The following GPHN variants were observed in gnomAD, a reference collection of about 807,000 sequenced individuals.
The protein encoded by GPHN is gephyrin.
In GPHN, 17 loss-of-function variants were observed where a neutral mutation model predicts 95.5. That is an observed-to-expected ratio of 0.18 (90% CI 0.12 to 0.27). GPHN has a LOEUF of 0.27. Among genes scored for constraint, GPHN ranks in the 10% least tolerant of loss-of-function variants. The pLI, the probability that GPHN is intolerant of heterozygous loss-of-function variation, is 1.00. For synonymous variants in GPHN, 320 were observed against 322.5 expected, an observed-to-expected ratio of 0.99 and a Z score of 0.08; for missense variants, 660 against 978.1, an observed-to-expected ratio of 0.67 and a Z score of 4.34.
At chr14:67,281,496 C>T in the GPHN span, among the ~76,000 whole-genome samples, 1 of 151,858 alleles carries the variant, frequency 6.6e-6, no homozygotes, top group Non-Finnish European at 1.5e-5. Context: ...CCTTCATTTC[C>T]CACCACTCTA....
chr14:67,586,084 T>C, the GPHN span: 5 of 1,613,838 alleles, frequency 3.1e-6, no homozygotes, highest in African/African-American at 1.3e-5. Flanking sequence ...ATCTTCCGGA[T>C]GGCTGCTCCC....
At chr14:67,724,087 C>T in the GPHN span, among the ~76,000 whole-genome samples, 5 of 151,754 alleles carry the variant, frequency 3.3e-5, no homozygotes, top group Admixed American at 1.3e-4. Context: ...ATATTGACTC[C>T]GCTAATGTTT....
the GPHN span, among the ~76,000 whole-genome samples, chr14:67,625,242 A>T: frequency 2.6e-5 from 4 of 152,208 alleles, no homozygotes; most frequent in African/African-American, 9.6e-5. Context: ...CTGAAACCAT[A>T]TAACTGTTAG....
chr14:67,685,164 G>C, the GPHN span: 2 of 1,614,166 alleles, frequency 1.2e-6, no homozygotes, highest in South Asian at 1.1e-5. Flanking sequence ...GTTCAGATTG[G>C]ACTGTGCCAG....
At chr14:66,822,032 A>T (rs1596021750) in intron 3 of GPHN, among the ~76,000 whole-genome samples, 1 of 152,196 alleles carries the variant, frequency 6.6e-6, no homozygotes, top group Middle Eastern at 3.4e-3. Context: ...GCTCACTGCA[A>T]CCTCTGCCTC....
the GPHN span, among the ~76,000 whole-genome samples, chr14:67,508,940 G>C: frequency 6.6e-6 from 1 of 151,854 alleles, no homozygotes. Flanking sequence ...GTCATAATCA[G>C]GTCTCCACAG....
At chr14:66,779,362 T>A (rs1283544554) in intron 3 of GPHN, among the ~76,000 whole-genome samples, 1 of 152,218 alleles carries the variant, frequency 6.6e-6, no homozygotes, top group African/African-American at 2.4e-5. Flanking sequence ...AAAAATATCA[T>A]CAAATGTTGT....
At chr14:66,859,635 A>T in intron 4 of GPHN, among the ~76,000 whole-genome samples, 1 of 152,236 alleles carries the variant, frequency 6.6e-6, no homozygotes, top group Non-Finnish European at 1.5e-5. Context: ...TAAATAAGGC[A>T]CTAGGGAATA....
the GPHN span, among the ~76,000 whole-genome samples, chr14:67,717,071 C>T: frequency 2.0e-5 from 3 of 151,506 alleles, no homozygotes; most frequent in South Asian, 6.3e-4. Flanking sequence ...ACATCGGTAC[C>T]CTTCCCCTTT....
chr14:67,576,655 C>G, the GPHN span, among the ~76,000 whole-genome samples: 1 of 152,170 alleles, frequency 6.6e-6, no homozygotes, highest in East Asian at 1.9e-4. The surrounding 1 kb of genome is among the most constrained non-coding windows in gnomAD (Gnocchi z 4.0). Flanking sequence ...CTCCAGGGCC[C>G]CTCTGTCTCC....
At chr14:67,367,418 A>T in the GPHN span, among the ~76,000 whole-genome samples, 1,363 of 152,184 alleles carry the variant, frequency 9.0e-3, 12 homozygotes, top group Non-Finnish European at 0.016. Context: ...TTTGGTAGAG[A>T]CAGGGTTTCA....
the GPHN span, chr14:67,585,770 C>G: frequency 1.0e-6 from 1 of 988,314 alleles, no homozygotes. Context: ...TACCCCCACT[C>G]CTGCCCAAGC....
chr14:67,011,573 CAAAAAAAAAAAA>C (rs201978777), intron 9 of GPHN, among the ~76,000 whole-genome samples: 1 of 63,192 alleles, frequency 1.6e-5, no homozygotes, highest in Non-Finnish European at 3.1e-5. Context: ...GACCTTGCCT[CAAAAAAAAAAAA>C]AAAAAAAAAA....
At chr14:67,563,495 A>G in the GPHN span, among the ~76,000 whole-genome samples, 4 of 152,058 alleles carry the variant, frequency 2.6e-5, no homozygotes, top group African/African-American at 9.7e-5. Context: ...GTGCAATAGC[A>G]TGATCTTGGC....
At chr14:66,865,712 A>C (rs543908449) in intron 4 of GPHN, among the ~76,000 whole-genome samples, 11 of 152,218 alleles carry the variant, frequency 7.2e-5, no homozygotes, top group African/African-American at 2.6e-4. Context: ...CTTAATTTTT[A>C]TTCTGTGAAA....
chr14:67,674,340 T>TGCGCTCCCCACGGCGTG, the GPHN span: 23 of 1,543,114 alleles, frequency 1.5e-5, no homozygotes, highest in East Asian at 5.0e-4. Flanking sequence ...CGCGCAGGGC[T>TGCGCTCCCCACGGCGTG]GCGCTCCCCA....
intron 3 of GPHN, among the ~76,000 whole-genome samples, chr14:66,782,304 T>G (rs557381087): frequency 1.3e-5 from 2 of 152,360 alleles, no homozygotes; most frequent in South Asian, 4.1e-4. Context: ...TGTATGGTTT[T>G]GATTATAGTG....
the GPHN span, among the ~76,000 whole-genome samples, chr14:67,599,445 A>C: frequency 1.3e-5 from 2 of 152,208 alleles, no homozygotes; most frequent in Non-Finnish European, 2.9e-5. Flanking sequence ...AAAATTTCAT[A>C]AACCTTTAGA....
chr14:67,645,034 T>C, the GPHN span, among the ~76,000 whole-genome samples: 1 of 151,748 alleles, frequency 6.6e-6, no homozygotes, highest in African/African-American at 2.4e-5. Flanking sequence ...CATGCTAATA[T>C]ATATAAGGTA....
Sources: gnomAD v4.1 joint callset for allele counts (sites outside exome capture counted in the v4.1 genomes callset) on GRCh38, gnomAD v4.1.1 for gene constraint, Gnocchi (gnomAD v3.1) non-coding constraint, MANE v1.5 for transcripts, NCBI Gene and HGNC (gene_info 2026-07-23, HGNC 2026-07-21) for gene names.